The following DOCK3 variants were observed in gnomAD, a reference collection of about 807,000 sequenced individuals.
DOCK3 encodes the protein dedicator of cytokinesis protein 3.
A neutral mutation model predicts 265.6 loss-of-function variants in DOCK3; 60 were observed. The observed-to-expected ratio is 0.23, with a 90% confidence interval of 0.18 to 0.28. The LOEUF (loss-of-function observed/expected upper bound fraction) is 0.28, where lower values mean the gene tolerates loss of function less well. DOCK3 is among the 10% of genes least tolerant of loss of function. The pLI is 1.00. For missense variants in DOCK3, 1,981 were observed against 2,594.3 expected (o/e 0.76, Z 5.14); for synonymous variants, 881 against 938.0 (o/e 0.94, Z 1.11).
At chr3:51,281,972 C>T (rs1272303958) in intron 27 of DOCK3, among the ~76,000 whole-genome samples, 2 of 152,188 alleles carry the variant, frequency 1.3e-5, no homozygotes, top group East Asian at 1.9e-4. Flanking sequence ...AGGGTGCACT[C>T]GCCAGCAGTC....
Position 51,288,903 on chromosome 3 carries a change from GGTGTGT to G in DOCK3, c.2922+8717_2922+8722del, listed in dbSNP as rs146598674. ...TTGTGTGGGTGTGTGTGTGTGTGTGGGTGTGTGTGTGTGTGTGTGTGTGCCCATGTG... is the reference window on the plus strand; with the variant it reads ...TTGTGTGGGTGTGTGTGTGTGTGTGGGTGTGTGTGTGTGTGTGCCCATGTG... On this transcript the variant is annotated intron_variant, in intron 27 of 52. Transcript: ENST00000266037. Among the ~76,000 whole-genome samples the G allele has an allele frequency of 3.7e-3, 531 of 144,232 alleles. 3 individuals are homozygous for G. The highest frequency in any genetic ancestry group is 9.7e-3 in the African/African-American group (382 of 39,562). 94.6% of individuals were successfully genotyped at this position (144,232 alleles called of 152,430 possible).
chr3:51,375,410 A>G (rs1430067648), intron 50 of DOCK3, among the ~76,000 whole-genome samples: 1 of 152,208 alleles, frequency 6.6e-6, no homozygotes, highest in African/African-American at 2.4e-5. Flanking sequence ...CTCATGGGGA[A>G]GTGGGGATCT....
chr3:50,904,729 G>A (rs1270741728), intron 4 of DOCK3, among the ~76,000 whole-genome samples: 1 of 152,092 alleles, frequency 6.6e-6, no homozygotes, highest in Non-Finnish European at 1.5e-5. Context: ...TAGGTTGCCT[G>A]TTCACTCTGA....
At chr3:51,306,013 T>C (rs1055998894) in intron 27 of DOCK3, among the ~76,000 whole-genome samples, 2 of 147,584 alleles carry the variant, frequency 1.4e-5, no homozygotes, top group South Asian at 4.3e-4. Context: ...TAGTTTTTCT[T>C]TTTTTTTTTC....
At chr3:51,309,888 A>C (rs1468140947) in intron 27 of DOCK3, among the ~76,000 whole-genome samples, 1 of 152,230 alleles carries the variant, frequency 6.6e-6, no homozygotes, top group Non-Finnish European at 1.5e-5. Context: ...CATGCCCCAG[A>C]AAATGAAGCC....
At chr3:51,307,878 G>GTTTTTTTTTTTTTTT (rs1197872774) in intron 27 of DOCK3, among the ~76,000 whole-genome samples, 1 of 42,022 alleles carries the variant, frequency 2.4e-5, no homozygotes. Flanking sequence ...AAATTATATG[G>GTTTTTTTTTTTTTTT]GTTTTTTTTT....
At position 50,917,934 on chromosome 3, in the gene DOCK3, G is replaced by A. The variant is rs141233994; in HGVS notation, c.219-16047G>A. On this transcript the variant is annotated intron_variant, in intron 4 of 52. Transcript: ENST00000266037. ...CTCCCCCAACCCCATGACAGGCCCC[G>A]GTGTGTGATGTTCCCCACCCTGTGT... Among the ~76,000 whole-genome samples, 1,182 of 151,836 alleles carry A rather than the reference G, an allele frequency of 7.8e-3. 20 individuals carry two copies. Among genetic ancestry groups the A allele is most frequent in the African/African-American group, 0.027 (1,119 of 41,350 alleles).
chr3:51,012,139 T>C (rs916809530), intron 5 of DOCK3, among the ~76,000 whole-genome samples: 1 of 152,070 alleles, frequency 6.6e-6, no homozygotes, highest in African/African-American at 2.4e-5. Context: ...GAACCACTGC[T>C]CTCTTCAAAG....
chr3:50,898,908 ATT>A (rs2049035842), intron 4 of DOCK3, among the ~76,000 whole-genome samples: 2 of 152,130 alleles, frequency 1.3e-5, no homozygotes, highest in Admixed American at 1.3e-4. Flanking sequence ...TATGTGATCG[ATT>A]TCAGAATAAG....
chr3:50,796,341 T>G (rs1356793972), intron 2 of DOCK3, among the ~76,000 whole-genome samples: 1 of 150,968 alleles, frequency 6.6e-6, no homozygotes, highest in Non-Finnish European at 1.5e-5. Context: ...ATTTTTTTTT[T>G]GTTTTGTTTT....
chr3:51,123,772 C>A (rs2084141853), intron 9 of DOCK3, among the ~76,000 whole-genome samples: 1 of 152,158 alleles, frequency 6.6e-6, no homozygotes. Context: ...AGGAGGGAAG[C>A]AGGTATTTAA....
At chr3:51,161,665 A>G (rs1167604397) in intron 12 of DOCK3, among the ~76,000 whole-genome samples, 3 of 152,162 alleles carry the variant, frequency 2.0e-5, no homozygotes, top group East Asian at 1.9e-4. Context: ...AAAGCTAACA[A>G]TATGCTTCTC....
At chr3:50,763,281 TTTTTTA>T (rs2040644608) in intron 1 of DOCK3, among the ~76,000 whole-genome samples, 2 of 152,298 alleles carry the variant, frequency 1.3e-5, no homozygotes, top group South Asian at 4.2e-4. Context: ...CTATTTCTTC[TTTTTTA>T]TTTTTATTTT....
intron 4 of DOCK3, among the ~76,000 whole-genome samples, chr3:50,917,073 C>T (rs34075959): frequency 0.094 from 14,362 of 152,008 alleles, 847 homozygotes; most frequent in Non-Finnish European, 0.12. Context: ...ATTTTTATTA[C>T]ACTATTGCCT....
At chr3:50,744,955 A>G (rs1046680741) in intron 1 of DOCK3, among the ~76,000 whole-genome samples, 2 of 152,132 alleles carry the variant, frequency 1.3e-5, no homozygotes, top group Non-Finnish European at 2.9e-5. Flanking sequence ...CAGTATTTTG[A>G]TGACTACAAT....
chr3:51,379,704 A>C, intron 51 of DOCK3: 1 of 884,534 alleles, frequency 1.1e-6, no homozygotes, highest in Non-Finnish European at 1.4e-6. Context: ...AAACACCCCC[A>C]CCACAGGAAG....
At chr3:51,058,652 A>G (rs1021891152) in intron 5 of DOCK3, among the ~76,000 whole-genome samples, 3 of 152,148 alleles carry the variant, frequency 2.0e-5, no homozygotes, top group East Asian at 3.8e-4. Flanking sequence ...AGCAGTTTAT[A>G]AACAACAGAA....
At chr3:51,231,112 AT>A (rs994906393) in intron 19 of DOCK3, among the ~76,000 whole-genome samples, 3 of 60,042 alleles carry the variant, frequency 5.0e-5, no homozygotes, top group Non-Finnish European at 1.1e-4. Context: ...AGCATCTGTT[AT>A]TTTTTGACTT....
At chr3:50,886,267 T>C (rs1575448079) in intron 3 of DOCK3, among the ~76,000 whole-genome samples, 1 of 150,958 alleles carries the variant, frequency 6.6e-6, no homozygotes, top group South Asian at 2.1e-4. Context: ...AAAGTATGTT[T>C]ATTTCATCTT....
Sources: allele counts gnomAD v4.1 joint callset (sites outside exome capture counted in the v4.1 genomes callset), GRCh38; gene constraint gnomAD v4.1.1; transcripts MANE v1.5; gene names NCBI Gene and HGNC (gene_info 2026-07-23, HGNC 2026-07-21).